SPDL1: variants seen among roughly 807,000 people sequenced by gnomAD.
SPDL1 encodes protein Spindly.
A neutral mutation model predicts 79.5 loss-of-function variants in SPDL1; 85 were observed. The observed-to-expected ratio is 1.07, with a 90% CI of 0.90 to 1.28. The LOEUF is 1.28. Ranked by LOEUF, SPDL1 falls within the 50% of genes most tolerant of loss-of-function variation. SPDL1 has a pLI of 0.00. For missense variants in SPDL1, 703 were observed against 697.8 expected, an observed-to-expected ratio of 1.01 and a Z score of -0.08; for synonymous variants, 269 against 240.3, an observed-to-expected ratio of 1.12 and a Z score of -1.10.
Position 169,601,468 on chromosome 5 carries a change from G to A in SPDL1, c.1513G>A (p.Val505Ile), listed in dbSNP as rs1231504629. The change falls in exon 11 of 12, where the codon GTT becomes ATT. Residue 505 changes from valine to isoleucine, a missense_variant. Val to Ile is a conservative substitution (Grantham distance 29). Transcript: ENST00000265295. Reference sequence around the variant, plus strand: ...TAACAACTTGCAATTAGAAAAATCAGTTTCTATATACACACCAGTAGTCAG... The same window carrying A: ...TAACAACTTGCAATTAGAAAAATCAATTTCTATATACACACCAGTAGTCAG... ...EDNNLQLEKS[V>I]SIYTPVVSLS... 5 of 1,613,964 alleles carry A rather than the reference G, an allele frequency of 3.1e-6. No individual in the cohort carries two copies. The South Asian group carries it at 5.5e-5, about 18-fold the overall frequency.
At position 169,588,576 on chromosome 5, in the gene SPDL1, G is replaced by A; in HGVS notation, c.159+1G>A. On this transcript the variant is annotated splice_donor_variant, in intron 2 of 11. Transcript: ENST00000265295. LOFTEE classifies it high-confidence loss of function. ...TAATGAAATGATGACCATGACTGAG[G>A]TAGGACTCTGGACTCCTCTGTCTGC... is the stretch of plus-strand genomic sequence containing the variant. The A allele has an allele frequency of 6.2e-7, 1 of 1,610,118 alleles. No homozygotes were observed. The highest frequency in any genetic ancestry group is 1.1e-5 in the South Asian group (1 of 90,176).
At position 169,596,816 on chromosome 5, in the gene SPDL1, A is replaced by G. The variant is rs899061165; in HGVS notation, c.1032+115A>G. ...AATATCTTGTGGGAGATACTTTGAGACTAAGTAAATGGCTGTTTCTCCTTA... is the reference window on the plus strand; with the variant it reads ...AATATCTTGTGGGAGATACTTTGAGGCTAAGTAAATGGCTGTTTCTCCTTA... On this transcript the variant is annotated intron_variant, in intron 8 of 11. Coordinates refer to ENST00000265295, the MANE Select transcript of SPDL1 (RefSeq NM_017785.5). 291 of 864,830 alleles carry G rather than the reference A, an allele frequency of 3.4e-4. 1 individual carries two copies. Among genetic ancestry groups the G allele is most frequent in the Admixed American group, 2.5e-4 (7 of 28,032 alleles). The allele number at this position is 864,830 out of a possible 1,614,324, so 53.6% of individuals were successfully genotyped here.
chr5:169,601,436 T>G lies in SPDL1; in HGVS notation c.1481T>G (p.Leu494Ter), dbSNP rs1300083612. 2.5e-6 allele frequency: 4 copies of G among 1,614,060 alleles called. No individual in the cohort carries two copies. In the African/African-American group the frequency reaches 4.0e-5, roughly 16 times the overall value. ...GAGACACAGTCCTGCCCTAACAGTT[T>G]AGAAGATAACAACTTGCAATTAGAA... ...KEETQSCPNSLEDNNLQLEKS... is the reference protein window; with the variant it reads ...KEETQSCPNS Residue 494 changes from leucine to a stop codon, truncating the protein, a stop_gained, in exon 11 of 12, where the codon TTA becomes TGA. Transcript: ENST00000265295. LOFTEE classifies it high-confidence loss of function.
chr5:169,598,444 T>C (rs1339298329), intron 8 of SPDL1, 32 bp from the exon 9 acceptor site: 1 of 1,335,366 alleles, frequency 7.5e-7, no homozygotes, highest in East Asian at 2.3e-5. Flanking sequence ...TTGTTATTTA[T>C]TTTAAGTAAT....
chr5:169,590,930 A>G (rs1356254619), intron 2 of SPDL1, 118 bp from the exon 3 acceptor site: 1 of 909,474 alleles, frequency 1.1e-6, no homozygotes, highest in Non-Finnish European at 1.8e-6. Context: ...TGTCTTCGTT[A>G]TTTGGAAAGC....
intron 11 of SPDL1, 138 bp from the exon 12 acceptor site, chr5:169,603,922 T>G: frequency 1.3e-6 from 1 of 770,776 alleles, no homozygotes; most frequent in Non-Finnish European, 2.0e-6. Context: ...TGACTTAATA[T>G]TCTTACAGTA....
chr5:169,600,882 T>A (rs1755839920), intron 10 of SPDL1, among the ~76,000 whole-genome samples: 1 of 152,120 alleles, frequency 6.6e-6, no homozygotes, highest in Admixed American at 6.6e-5. Flanking sequence ...AAAATGAAGC[T>A]CAGAGAGGTT....
At position 169,604,118 on chromosome 5, in the gene SPDL1, A is replaced by G. The variant is rs758866129; in HGVS notation, c.1729A>G (p.Lys577Glu). Reference protein sequence around the residue: ...EVKEGKETSSKLEKETCKKLH... With the variant: ...EVKEGKETSSELEKETCKKLH... ...TAAAGAAGGAAAAGAAACTTCAAGC[A>G]AATTGGAAAAAGAAACTTGTAAGAA... Residue 577 changes from lysine to glutamate, a missense_variant, in exon 12 of 12, where the codon AAA becomes GAA. By Grantham distance (56) the Lys-to-Glu change is moderately conservative (BLOSUM62 1). Coordinates refer to ENST00000265295, the MANE Select transcript of SPDL1 (RefSeq NM_017785.5). The G allele has an allele frequency of 6.2e-7, 1 of 1,613,422 alleles. No individual in the cohort carries two copies. The highest frequency in any genetic ancestry group is 1.7e-5 in the Admixed American group (1 of 59,900).
In SPDL1 at chr5:169,591,205, T is replaced by G; in HGVS notation, c.317T>G (p.Val106Gly). ...CTAAGCAGAAGCCATGGACAGGAAG[T>G]GAATGAACTAAAAACTAAGGTTGGG... Reference protein sequence around the residue: ...EQLSRSHGQEVNELKTKIEKL... With the variant: ...EQLSRSHGQEGNELKTKIEKL... The change falls in exon 3 of 12, where the codon GTG becomes GGG. Residue 106 changes from valine to glycine, a missense_variant. Transcript: ENST00000265295. 1 of 1,612,894 alleles carries G rather than the reference T, an allele frequency of 6.2e-7. No individual in the cohort carries two copies. The highest frequency in any genetic ancestry group is 1.1e-5 in the South Asian group (1 of 90,836).
intron 3 of SPDL1, among the ~76,000 whole-genome samples, chr5:169,592,682 A>G (rs536738812): frequency 6.6e-6 from 1 of 152,226 alleles, no homozygotes; most frequent in East Asian, 1.9e-4. Context: ...AATGACTGAT[A>G]ATGATGTGCT....
At chr5:169,596,390 T>A (rs1374604465) in intron 7 of SPDL1, among the ~76,000 whole-genome samples, 171 bp from the exon 8 acceptor site, 1 of 152,156 alleles carries the variant, frequency 6.6e-6, no homozygotes, top group Admixed American at 6.5e-5. Context: ...AAAATAAGTA[T>A]TCAAATGTTA....
chr5:169,594,371 A>G, intron 5 of SPDL1, 23 bp from the exon 6 acceptor site: 3 of 1,613,238 alleles, frequency 1.9e-6, no homozygotes, highest in Non-Finnish European at 2.5e-6. Flanking sequence ...TCTGTTGCCT[A>G]AATTGTTTTC....
chr5:169,586,139 T>C (rs1169547958), intron 1 of SPDL1: 1 of 152,282 alleles, frequency 6.6e-6, no homozygotes, highest in Non-Finnish European at 1.5e-5. Flanking sequence ...CTTGCTATCT[T>C]TATCTCCTAC....
chr5:169,601,830 G>A, intron 11 of SPDL1: 1 of 657,502 alleles, frequency 1.5e-6, no homozygotes, highest in Admixed American at 2.3e-5. Context: ...CTTGAATAAG[G>A]CAATCACATT....
Position 169,593,351 on chromosome 5 carries a change from TAGATAG to T in SPDL1, c.337-1_341del. On this transcript the variant is annotated splice_acceptor_variant and coding_sequence_variant, in exon 4 of 12. Coordinates refer to ENST00000265295, the MANE Select transcript of SPDL1 (RefSeq NM_017785.5). LOFTEE classifies it high-confidence loss of function. ...TTTATGACTTTTTTTTTTTTGGCTT[TAGATAG>T]AAAAACTGAAAGTGGAATTAGATGA... 1 of 1,582,298 alleles carries T rather than the reference TAGATAG, an allele frequency of 6.3e-7. No homozygotes were observed. Among genetic ancestry groups the T allele is most frequent in the Admixed American group, 2.0e-5 (1 of 50,392 alleles).
At chr5:169,593,066 T>C (rs372082016) in intron 3 of SPDL1, among the ~76,000 whole-genome samples, 1 of 152,178 alleles carries the variant, frequency 6.6e-6, no homozygotes, top group Non-Finnish European at 1.5e-5. Context: ...CTTGCTTCCA[T>C]TGTTTCTCTT....
rs562835136 is a variant in SPDL1 at position 169,603,979 on chromosome 5, A to T, written c.1671-81A>T. The T allele has an allele frequency of 7.5e-5, 109 of 1,445,066 alleles. 1 individual carries two copies. The African/African-American group carries it at 1.3e-3, about 18-fold the overall frequency. The allele number at this position is 1,445,066 out of a possible 1,614,324, so 89.5% of individuals were successfully genotyped here. On this transcript the variant is annotated intron_variant, in intron 11 of 11. Transcript: ENST00000265295. ...TTCCTTGAATACCATGCCTTATTGG[A>T]GGCCCATTATACTGGGGGTTTGTTT...
At position 169,601,403 on chromosome 5, in the gene SPDL1, A is replaced by G. The variant is rs768724473; in HGVS notation, c.1448A>G (p.Gln483Arg). Residue 483 changes from glutamine to arginine, a missense_variant, in exon 11 of 12, where the codon CAG becomes CGG. Gln to Arg is a conservative substitution (Grantham distance 43, BLOSUM62 1). Coordinates refer to ENST00000265295, the MANE Select transcript of SPDL1 (RefSeq NM_017785.5). ...GGAGAAGTTTATCGATTACCGCCTC[A>G]GAAAGAGGAGACACAGTCCTGCCCT... Reference protein sequence around the residue: ...LGGEVYRLPPQKEETQSCPNS... With the variant: ...LGGEVYRLPPRKEETQSCPNS... 1 of 1,614,196 alleles carries G rather than the reference A, an allele frequency of 6.2e-7. No individual in the cohort carries two copies. The highest frequency in any genetic ancestry group is 1.6e-4 in the Middle Eastern group (1 of 6,062).
intron 1 of SPDL1, among the ~76,000 whole-genome samples, chr5:169,584,908 G>A (rs1447866231): frequency 6.6e-6 from 1 of 152,134 alleles, no homozygotes; most frequent in African/African-American, 2.4e-5. Context: ...TACTCGGGAG[G>A]CTGAGGCAGG....
Sources: gnomAD v4.1 joint callset for allele counts (sites outside exome capture counted in the v4.1 genomes callset) on GRCh38, gnomAD v4.1.1 for gene constraint, MANE v1.5 for transcripts, NCBI Gene and HGNC (gene_info 2026-07-23, HGNC 2026-07-21) for gene names.